The following ZNF451 variants were observed in gnomAD, a reference collection of about 807,000 sequenced individuals.
The protein encoded by ZNF451 is E3 SUMO-protein ligase ZNF451.
In ZNF451, 80 loss-of-function variants were observed where a neutral mutation model predicts 107.1. That is an observed-to-expected ratio of 0.75 (90% CI 0.62 to 0.90). ZNF451 has a LOEUF of 0.90. ZNF451 is among the 40% of genes least tolerant of loss of function. The pLI is 0.00. For synonymous variants in ZNF451, 362 were observed against 406.5 expected (o/e 0.89, Z 1.32); for missense variants, 1,107 against 1,236.2 (o/e 0.90, Z 1.57).
chr6:57,090,466 C>T (rs1162660114), intron 1 of ZNF451, among the ~76,000 whole-genome samples, 192 bp downstream of exon 1: 5 of 132,548 alleles, frequency 3.8e-5, no homozygotes, highest in Non-Finnish European at 8.1e-5. Flanking sequence ...CCGCCCGGCC[C>T]CCCGCACGGG....
chr6:57,122,131 G>A (rs1273556028), intron 3 of ZNF451, among the ~76,000 whole-genome samples: 1 of 152,066 alleles, frequency 6.6e-6, no homozygotes, highest in Non-Finnish European at 1.5e-5. Flanking sequence ...ATAAACAATC[G>A]AGAAAGGATA....
At chr6:57,136,760 G>T (rs1221066034) in intron 7 of ZNF451, among the ~76,000 whole-genome samples, 2 of 151,966 alleles carry the variant, frequency 1.3e-5, no homozygotes, top group Non-Finnish European at 2.9e-5. Context: ...ATTTGAGTAG[G>T]TAGTTTAAAA....
intron 3 of ZNF451, chr6:57,105,846 A>C (rs1562592917): frequency 1.0e-6 from 1 of 985,216 alleles, no homozygotes; most frequent in Non-Finnish European, 1.2e-6. Context: ...TCTTTTTTTA[A>C]AAGAATGAAT....
At chr6:57,108,497 CACTA>C (rs1232417005) in intron 3 of ZNF451, 10 of 985,202 alleles carry the variant, frequency 1.0e-5, no homozygotes, top group African/African-American at 8.7e-5. Flanking sequence ...TTCCCCAAGT[CACTA>C]AACACAGTTT....
intron 7 of ZNF451, among the ~76,000 whole-genome samples, chr6:57,137,599 A>G (rs1831497532): frequency 6.6e-6 from 1 of 152,184 alleles, no homozygotes; most frequent in African/African-American, 2.4e-5. Flanking sequence ...ACATCACCAG[A>G]TAGCACCCTG....
At chr6:57,091,483 C>A (rs1409127822) in intron 2 of ZNF451, 2 of 150,350 alleles carry the variant, frequency 1.3e-5, no homozygotes, top group Non-Finnish European at 3.0e-5. Context: ...TCCTGGGCCC[C>A]ACTGCAGACC....
At chr6:57,104,801 C>G (rs1829773121) in intron 3 of ZNF451, 3 of 985,154 alleles carry the variant, frequency 3.0e-6, no homozygotes, top group South Asian at 4.7e-5. Context: ...CTTAGTTACT[C>G]TAACTGATAT....
chr6:57,161,108 G>A lies in ZNF451; in HGVS notation c.3095G>A (p.Gly1032Asp), dbSNP rs779241591. Residue 1032 changes from glycine (G) to aspartate (D), a missense_variant, in exon 14 of 15, where the codon GGT becomes GAT. Physicochemically the swap from Gly to Asp is moderately conservative, Grantham distance 94. Transcript: ENST00000370706. ...TKECDSDDNM[G>D]AKNTSIGEEF... Reference sequence around the variant, plus strand: ...GAATGTGACAGTGATGATAACATGGGTGCCAAAAATACTTCAATAGGAGAA... The same window carrying A: ...GAATGTGACAGTGATGATAACATGGATGCCAAAAATACTTCAATAGGAGAA... 9 of 1,562,854 alleles carry A rather than the reference G, an allele frequency of 5.8e-6. No homozygotes were observed. The highest frequency in any genetic ancestry group is 7.8e-6 in the Non-Finnish European group (9 of 1,160,016).
chr6:57,106,767 C>G, intron 3 of ZNF451: 1 of 985,188 alleles, frequency 1.0e-6, no homozygotes, highest in Non-Finnish European at 1.2e-6. Context: ...GCATGTGATT[C>G]AATAGACTAG....
At chr6:57,094,549 T>G (rs559356861) in intron 2 of ZNF451, among the ~76,000 whole-genome samples, 1 of 152,254 alleles carries the variant, frequency 6.6e-6, no homozygotes, top group Admixed American at 6.5e-5. Context: ...ATAGAACAAA[T>G]GCAAATAAAA....
intron 13 of ZNF451, among the ~76,000 whole-genome samples, chr6:57,157,441 T>G (rs1763480521): frequency 6.6e-6 from 1 of 152,188 alleles, no homozygotes; most frequent in Admixed American, 6.5e-5. Flanking sequence ...AGGCATTGTT[T>G]TAGCATGGTG....
chr6:57,145,208 G>T (rs1339468829), intron 9 of ZNF451, among the ~76,000 whole-genome samples: 1 of 152,030 alleles, frequency 6.6e-6, no homozygotes, highest in Non-Finnish European at 1.5e-5. Flanking sequence ...GAGTTAATTT[G>T]TGGAATAGTA....
chr6:57,165,862 T>G, intron 14 of ZNF451: 1 of 152,146 alleles, frequency 6.6e-6, no homozygotes, highest in East Asian at 1.9e-4. Flanking sequence ...GACATAAAAA[T>G]ACATAAAAAA....
chr6:57,099,182 C>T (rs778111537), intron 3 of ZNF451, 41 bp downstream of exon 3: 7 of 1,455,726 alleles, frequency 4.8e-6, no homozygotes, highest in Non-Finnish European at 6.7e-6. Context: ...TCACTTGTGT[C>T]TTTTAAGAGG....
chr6:57,125,644 G>A (rs1419622031), intron 4 of ZNF451, among the ~76,000 whole-genome samples: 1 of 152,054 alleles, frequency 6.6e-6, no homozygotes, highest in Non-Finnish European at 1.5e-5. Context: ...TAATTTTAAC[G>A]TGCATGTTTT....
rs767535656 is a variant in ZNF451, at chr6:57,147,442, G to A, written c.1357G>A (p.Asp453Asn). 6.2e-7 allele frequency: 1 copy of A among 1,614,066 alleles called. No homozygotes were observed. Among genetic ancestry groups the A allele is most frequent in the African/African-American group, 1.3e-5 (1 of 75,040 alleles). ...TCCAAAAAAGAAGATGAATTTAAAA[G>A]ATAAAAGCCATGAAGGTGTTGCTTG... The part of the protein sequence containing the change: ...AIPKKKMNLK[D>N]KSHEGVACVQ... Residue 453 changes from aspartate (D) to asparagine (N), a missense_variant, in exon 10 of 15, where the codon GAT (aspartate) becomes AAT (asparagine). Physicochemically the swap from Asp to Asn is conservative, Grantham distance 23. Transcript: ENST00000370706.
At chr6:57,164,269 A>G (rs1356665341) in intron 14 of ZNF451, among the ~76,000 whole-genome samples, 4 of 152,188 alleles carry the variant, frequency 2.6e-5, no homozygotes, top group Non-Finnish European at 4.4e-5. Context: ...GTTGTGTAAT[A>G]TTGGACAAGT....
At chr6:57,149,270 C>T (rs1593160238) in intron 10 of ZNF451, among the ~76,000 whole-genome samples, 1 of 152,156 alleles carries the variant, frequency 6.6e-6, no homozygotes, top group Non-Finnish European at 1.5e-5. Context: ...GTACTTACTC[C>T]AGACTTTCTT....
intron 3 of ZNF451, chr6:57,103,905 A>G (rs917264251): frequency 2.0e-5 from 20 of 985,194 alleles, no homozygotes; most frequent in Middle Eastern, 1.0e-3. Context: ...TTTCTTCCTT[A>G]TTTGTGCTAC....
Sources: gnomAD v4.1 joint callset for allele counts (sites outside exome capture counted in the v4.1 genomes callset) on GRCh38, gnomAD v4.1.1 for gene constraint, MANE v1.5 for transcripts, NCBI Gene and HGNC (gene_info 2026-07-23, HGNC 2026-07-21) for gene names.